CNTN4: variants seen among roughly 807,000 people sequenced by gnomAD.
CNTN4 encodes contactin 4, also known as contactin-4.
CNTN4 carries 77 observed loss-of-function variants against 122.5 expected under a neutral mutation model. The observed-to-expected ratio is 0.63, with a 90% CI of 0.52 to 0.76. The LOEUF is 0.76. Among genes scored for constraint, CNTN4 ranks in the 30% least tolerant of loss-of-function variants. CNTN4 has a pLI of 0.00. For missense variants in CNTN4, 1,256 were observed against 1,259.1 expected, an observed-to-expected ratio of 1.00 and a Z score of 0.04; for synonymous variants, 512 against 447.0, an observed-to-expected ratio of 1.15 and a Z score of -1.83.
At chr3:2,716,147 T>C (rs942450472) in intron 4 of CNTN4, among the ~76,000 whole-genome samples, 1 of 152,058 alleles carries the variant, frequency 6.6e-6, no homozygotes, top group Non-Finnish European at 1.5e-5. Flanking sequence ...TCACTTTTTA[T>C]AGAGATAGGG....
intron 2 of CNTN4, among the ~76,000 whole-genome samples, chr3:2,210,084 T>C (rs566537138): frequency 6.6e-6 from 1 of 152,302 alleles, no homozygotes; most frequent in South Asian, 2.1e-4. Flanking sequence ...GTGTAAGATA[T>C]GTATGTCCCT....
intron 7 of CNTN4, among the ~76,000 whole-genome samples, chr3:2,853,978 C>T (rs942653978): frequency 6.6e-6 from 1 of 152,138 alleles, no homozygotes; most frequent in African/African-American, 2.4e-5. Flanking sequence ...TTCTGGCAAA[C>T]CTGGTAATAA....
At chr3:3,035,615 G>C (rs1559815178) in intron 17 of CNTN4, among the ~76,000 whole-genome samples, 1 of 152,110 alleles carries the variant, frequency 6.6e-6, no homozygotes, top group Non-Finnish European at 1.5e-5. Flanking sequence ...GGAGTGCAGT[G>C]GTACAATCAC....
In CNTN4 at chr3:2,246,169, AT is replaced by A. The variant is rs560506537; in HGVS notation, c.-144-93008del. Reference sequence around the variant, plus strand: ...GCACTGATGTGTTTTTTTAAAAAAAATATCATACAATGCAATTGCATATTTT... The same window carrying A: ...GCACTGATGTGTTTTTTTAAAAAAAAATCATACAATGCAATTGCATATTTT... On this transcript the variant is annotated intron_variant, in intron 2 of 24. Coordinates refer to ENST00000418658, the MANE Select transcript of CNTN4 (RefSeq NM_175607.3). 5.5e-3 allele frequency among the ~76,000 whole-genome samples: 829 copies of A among 152,088 alleles called. 4 individuals carry two copies. Among genetic ancestry groups the A allele is most frequent in the Middle Eastern group, 0.01 (3 of 294 alleles).
At chr3:2,460,238 C>T (rs997810513) in intron 3 of CNTN4, among the ~76,000 whole-genome samples, 4 of 152,106 alleles carry the variant, frequency 2.6e-5, no homozygotes, top group Admixed American at 2.6e-4. Flanking sequence ...CTAGCTCAAC[C>T]CTAACTTTGG....
intron 3 of CNTN4, among the ~76,000 whole-genome samples, chr3:2,372,691 A>T (rs939322872): frequency 4.6e-5 from 7 of 152,204 alleles, no homozygotes; most frequent in Admixed American, 4.6e-4. Flanking sequence ...GGAAGGAGGC[A>T]GTAGAAAAAC....
chr3:2,223,045 A>G (rs891156538), intron 2 of CNTN4, among the ~76,000 whole-genome samples: 7 of 152,122 alleles, frequency 4.6e-5, no homozygotes, highest in East Asian at 3.9e-4. Context: ...CATTCTTTGG[A>G]TGCGAATTTT....
chr3:2,871,897 TC>T (rs2093788810), intron 8 of CNTN4, among the ~76,000 whole-genome samples: 1 of 152,218 alleles, frequency 6.6e-6, no homozygotes, highest in Non-Finnish European at 1.5e-5. Context: ...ACAGATTTTA[TC>T]AGAGTTTATA....
chr3:2,177,329 G>A (rs1399894668), intron 2 of CNTN4, among the ~76,000 whole-genome samples: 1 of 152,042 alleles, frequency 6.6e-6, no homozygotes, highest in Non-Finnish European at 1.5e-5. Flanking sequence ...ATTAAATATT[G>A]TTAATAACAT....
At chr3:2,244,824 T>C (rs891320840) in intron 2 of CNTN4, among the ~76,000 whole-genome samples, 1 of 152,078 alleles carries the variant, frequency 6.6e-6, no homozygotes, top group African/African-American at 2.4e-5. Context: ...ATGTGGCGAT[T>C]GCTCAAGGGC....
At chr3:2,395,406 A>T (rs2150922135) in intron 3 of CNTN4, among the ~76,000 whole-genome samples, 1 of 152,340 alleles carries the variant, frequency 6.6e-6, no homozygotes, top group Non-Finnish European at 1.5e-5. Context: ...AAAGTATTTT[A>T]TATATTAATA....
intron 2 of CNTN4, among the ~76,000 whole-genome samples, chr3:2,125,330 C>CTGTGTGTGTGTGTGTGTGTGTG (rs397721422): frequency 2.1e-5 from 3 of 143,364 alleles, no homozygotes; most frequent in Admixed American, 1.4e-4. Flanking sequence ...ATTCTATTCT[C>CTGTGTGTGTGTGTGTGTGTGTG]TGTGTGTGTG....
At chr3:2,665,844 C>T (rs189807546) in intron 4 of CNTN4, among the ~76,000 whole-genome samples, 24 of 152,276 alleles carry the variant, frequency 1.6e-4, no homozygotes, top group African/African-American at 5.5e-4. Flanking sequence ...TAACACTTCC[C>T]TGTGCTTACC....
At position 2,685,931 on chromosome 3, in the gene CNTN4, C is replaced by G. The variant is rs945495473; in HGVS notation, c.56-50284C>G. On this transcript the variant is annotated intron_variant, in intron 4 of 24. Transcript: ENST00000418658. ...TTTGGGCAGGAGAAAACCCAAACCA[C>G]AGACTAAACTGATTTTTGTTTGGAG... 2.0e-5 allele frequency among the ~76,000 whole-genome samples: 3 copies of G among 152,122 alleles called. No homozygotes were observed. The East Asian group carries it at 5.8e-4, about 29-fold the overall frequency.
chr3:2,399,869 C>T (rs2150955614), intron 3 of CNTN4, among the ~76,000 whole-genome samples: 1 of 152,044 alleles, frequency 6.6e-6, no homozygotes, highest in African/African-American at 2.4e-5. Context: ...ACCAGCTTAC[C>T]ACATAATCAT....
intron 7 of CNTN4, among the ~76,000 whole-genome samples, chr3:2,844,363 T>G (rs893145132): frequency 1.3e-5 from 2 of 152,234 alleles, no homozygotes; most frequent in African/African-American, 2.4e-5. Context: ...AAGGTCACCA[T>G]AGATATATTG....
intron 3 of CNTN4, among the ~76,000 whole-genome samples, chr3:2,430,093 C>G (rs1448281695): frequency 1.3e-5 from 2 of 152,002 alleles, no homozygotes. Context: ...CGCTGTCCGA[C>G]AATCCCCAGT....
chr3:2,364,945 G>C (rs776487893), intron 3 of CNTN4, among the ~76,000 whole-genome samples: 3 of 152,116 alleles, frequency 2.0e-5, no homozygotes, highest in Non-Finnish European at 4.4e-5. Flanking sequence ...ATTTGGCTTT[G>C]TATTGGAGAC....
At chr3:2,690,883 A>G (rs1174628086) in intron 4 of CNTN4, among the ~76,000 whole-genome samples, 4 of 152,216 alleles carry the variant, frequency 2.6e-5, no homozygotes, top group Non-Finnish European at 5.9e-5. Flanking sequence ...CTATAGGTGC[A>G]GAGAGTTGAA....
Sources: allele counts gnomAD v4.1 joint callset (sites outside exome capture counted in the v4.1 genomes callset), GRCh38; gene constraint gnomAD v4.1.1; transcripts MANE v1.5; gene names NCBI Gene and HGNC (gene_info 2026-07-23, HGNC 2026-07-21).